The following FANCL variants were observed in gnomAD, a reference collection of about 807,000 sequenced individuals.
FANCL encodes E3 ubiquitin-protein ligase FANCL.
FANCL carries 69 observed loss-of-function variants against 59.4 expected under a neutral mutation model. The observed-to-expected ratio is 1.16, with a 90% confidence interval of 0.96 to 1.42. The LOEUF is 1.42. FANCL is among the 40% of genes most tolerant of loss of function. The pLI is 0.00. For missense variants in FANCL, 519 were observed against 447.2 expected (o/e 1.16, Z -1.45); for synonymous variants, 180 against 147.1 (o/e 1.22, Z -1.62).
chr2:58,173,917 G>A (rs1386787212), intron 7 of FANCL, among the ~76,000 whole-genome samples: 1 of 151,898 alleles, frequency 6.6e-6, no homozygotes, highest in African/African-American at 2.4e-5. Context: ...ACACACATAG[G>A]CTCAAAATAA....
intron 7 of FANCL, among the ~76,000 whole-genome samples, chr2:58,194,789 G>GAGC (rs1350654111): frequency 1.3e-5 from 2 of 151,808 alleles, no homozygotes; most frequent in Non-Finnish European, 2.9e-5. Context: ...GAATATGTCA[G>GAGC]AGCAGCAGCA....
chr2:58,208,459 G>T (rs1456240136), intron 5 of FANCL, among the ~76,000 whole-genome samples: 1 of 152,072 alleles, frequency 6.6e-6, no homozygotes, highest in Non-Finnish European at 1.5e-5. Flanking sequence ...TGTTTTTGTT[G>T]TTGTCCCTGT....
intron 7 of FANCL, among the ~76,000 whole-genome samples, chr2:58,184,182 T>C (rs1187286166): frequency 1.3e-5 from 2 of 152,028 alleles, no homozygotes; most frequent in African/African-American, 4.8e-5. Context: ...CAAATATGAA[T>C]ACATCCATTA....
intron 1 of FANCL, among the ~76,000 whole-genome samples, chr2:58,233,012 C>G (rs1054888704): frequency 5.9e-5 from 9 of 151,960 alleles, no homozygotes; most frequent in African/African-American, 1.7e-4. Flanking sequence ...TACCCTATAA[C>G]CTTTACTTTC....
chr2:58,202,156 T>G (rs975361532), intron 6 of FANCL, among the ~76,000 whole-genome samples: 2 of 150,438 alleles, frequency 1.3e-5, no homozygotes, highest in African/African-American at 2.4e-5. Flanking sequence ...ATATGTGGAG[T>G]TTTTGTTGTT....
chr2:58,176,525 G>C (rs1275475359), intron 7 of FANCL, among the ~76,000 whole-genome samples: 1 of 152,110 alleles, frequency 6.6e-6, no homozygotes, highest in East Asian at 1.9e-4. Flanking sequence ...CACAAGCAAT[G>C]GGGAAAGGAT....
intron 7 of FANCL, among the ~76,000 whole-genome samples, chr2:58,189,820 A>G (rs1202377600): frequency 6.6e-6 from 1 of 152,074 alleles, no homozygotes; most frequent in Non-Finnish European, 1.5e-5. Flanking sequence ...TGCTATGATG[A>G]CACTTAAATT....
rs115614677 is a variant in FANCL at position 58,203,995 on chromosome 2, T to C, written c.471+135A>G. The C allele has an allele frequency of 1.9e-3, 1,410 of 760,602 alleles. 16 individuals carry two copies. In the African/African-American group the frequency reaches 0.02, roughly 11 times the overall value. The allele number at this position is 760,602 out of a possible 1,614,324, so 47.1% of individuals were successfully genotyped here. The stretch of plus-strand genomic sequence containing the variant: ...CGTGGTGAATAAATTCTTTGAGGCT[T>C]TCCAAAATCAATGTTTTAAAGCATG... On this transcript the variant is annotated intron_variant, in intron 6 of 13. Coordinates refer to ENST00000233741, the MANE Select transcript of FANCL (RefSeq NM_018062.4).
intron 1 of FANCL, among the ~76,000 whole-genome samples, chr2:58,239,266 A>G (rs1225282998): frequency 6.6e-6 from 1 of 152,222 alleles, no homozygotes; most frequent in Non-Finnish European, 1.5e-5. Context: ...CCAGGTGATC[A>G]AAGTTAACAT....
At chr2:58,172,949 G>A (rs1047490976) in intron 7 of FANCL, among the ~76,000 whole-genome samples, 9 of 152,234 alleles carry the variant, frequency 5.9e-5, no homozygotes, top group African/African-American at 2.2e-4. Context: ...TAAAGCAGCT[G>A]ATGGAGCTGA....
At chr2:58,170,867 C>A (rs560268684) in intron 7 of FANCL, among the ~76,000 whole-genome samples, 35 of 152,242 alleles carry the variant, frequency 2.3e-4, no homozygotes, top group African/African-American at 7.7e-4. Context: ...CAACCAGATT[C>A]ATAAAGCAAG....
chr2:58,221,218 T>C (rs1692449406), intron 5 of FANCL, among the ~76,000 whole-genome samples: 1 of 151,752 alleles, frequency 6.6e-6, no homozygotes, highest in Non-Finnish European at 1.5e-5. Flanking sequence ...AACTAAAAAT[T>C]GGCATATTTT....
chr2:58,178,394 G>A (rs1250231896), intron 7 of FANCL, among the ~76,000 whole-genome samples: 4 of 151,990 alleles, frequency 2.6e-5, no homozygotes, highest in African/African-American at 7.3e-5. Context: ...CGATCAAGTT[G>A]GTTTCAACCC....
intron 5 of FANCL, among the ~76,000 whole-genome samples, chr2:58,210,273 T>C (rs1332761403): frequency 2.6e-5 from 4 of 152,164 alleles, no homozygotes; most frequent in African/African-American, 4.8e-5. Context: ...CTCACAATCA[T>C]GGTGCAATGC....
intron 9 of FANCL, 21 bp from the exon 10 acceptor site, chr2:58,163,095 A>T (rs1397232535): frequency 1.2e-5 from 19 of 1,568,082 alleles, no homozygotes; most frequent in African/African-American, 2.7e-5. Context: ...AAAAAAAAAA[A>T]TTTAATAATT....
intron 7 of FANCL, among the ~76,000 whole-genome samples, chr2:58,196,183 GC>G (rs1376646475): frequency 6.6e-6 from 1 of 152,090 alleles, no homozygotes; most frequent in Non-Finnish European, 1.5e-5. Flanking sequence ...TGCACGGATG[GC>G]CTATATACCA....
intron 6 of FANCL, among the ~76,000 whole-genome samples, chr2:58,201,867 T>A (rs559839501): frequency 6.6e-6 from 1 of 151,730 alleles, no homozygotes; most frequent in Non-Finnish European, 1.5e-5. Flanking sequence ...CCAGAATAAA[T>A]AGAACAAATG....
intron 7 of FANCL, among the ~76,000 whole-genome samples, chr2:58,187,574 A>G (rs1367505057): frequency 3.9e-5 from 6 of 152,296 alleles, no homozygotes; most frequent in Admixed American, 3.3e-4. Context: ...ATAATAAAAA[A>G]AAAAAAGTGT....
At chr2:58,228,819 C>A (rs1208135866) in intron 3 of FANCL, among the ~76,000 whole-genome samples, 5 of 152,074 alleles carry the variant, frequency 3.3e-5, no homozygotes, top group Non-Finnish European at 5.9e-5. Context: ...TCTAGGAATC[C>A]TCTTGATAAC....
Sources: gnomAD v4.1 joint callset for allele counts (sites outside exome capture counted in the v4.1 genomes callset) on GRCh38, gnomAD v4.1.1 for gene constraint, MANE v1.5 for transcripts, NCBI Gene and HGNC (gene_info 2026-07-23, HGNC 2026-07-21) for gene names.